The following C2CD2 variants were observed in gnomAD, a reference collection of about 807,000 sequenced individuals.
C2CD2 encodes C2 domain-containing protein 2.
A neutral mutation model predicts 74.3 loss-of-function variants in C2CD2; 43 were observed. That is an observed-to-expected ratio of 0.58 (90% CI 0.45 to 0.75). C2CD2 has a LOEUF of 0.75. Ranked by LOEUF, C2CD2 falls within the 30% of genes least tolerant of loss-of-function variation. The probability of loss-of-function intolerance (pLI) is 0.00; values close to 1 mark genes in which losing one functional copy is unlikely to be tolerated. For synonymous variants in C2CD2, 422 were observed against 390.7 expected (o/e 1.08, Z -0.94); for missense variants, 801 against 916.3 (o/e 0.87, Z 1.63).
intron 2 of C2CD2, among the ~76,000 whole-genome samples, chr21:41,925,325 A>G (rs901535323): frequency 1.3e-5 from 2 of 152,024 alleles, no homozygotes. Flanking sequence ...ATCTCTTAAA[A>G]AAAAAAAAAT....
intron 5 of C2CD2, 122 bp from the exon 6 acceptor site, chr21:41,914,843 C>T: frequency 1.3e-6 from 1 of 765,340 alleles, no homozygotes; most frequent in East Asian, 2.8e-5. Flanking sequence ...AAAACCTGCA[C>T]AGGGAGCCCG....
chr21:41,943,270 GA>G (rs2065370304), intron 1 of C2CD2, among the ~76,000 whole-genome samples: 1 of 152,088 alleles, frequency 6.6e-6, no homozygotes, highest in African/African-American at 2.4e-5. Flanking sequence ...CAGCCTGGGC[GA>G]CAGAGTAAGG....
chr21:41,930,844 A>C (rs2065255855), intron 2 of C2CD2, among the ~76,000 whole-genome samples: 1 of 150,330 alleles, frequency 6.7e-6, no homozygotes, highest in Non-Finnish European at 1.5e-5. Flanking sequence ...TCATCTTTTT[A>C]CTGATGTGTG....
chr21:41,896,719 A>AAC (rs1555899696), intron 13 of C2CD2, among the ~76,000 whole-genome samples: 77 of 151,724 alleles, frequency 5.1e-4, no homozygotes, highest in African/African-American at 1.7e-3. Context: ...AAAAAAAAAA[A>AAC]AAAAAAAAAA....
rs964866599 is a variant in C2CD2 at position 41,918,760 on chromosome 21, CA to C, written c.597+95del. On this transcript the variant is annotated intron_variant, in intron 4 of 13. Coordinates refer to ENST00000380486, the MANE Select transcript of C2CD2 (RefSeq NM_015500.2). ...TGGCTGGGACAGGGAAGGAGGCCAG[CA>C]ACACCAGCCATGCACTCAGTTCCCC... 1.8e-5 allele frequency: 17 copies of C among 934,590 alleles called. No homozygotes were observed. The African/African-American group carries it at 2.7e-4, about 15-fold the overall frequency. The allele number at this position is 934,590 out of a possible 1,614,324, so 57.9% of individuals were successfully genotyped here. A position where few individuals can be genotyped will look rare whatever the true frequency, so the allele number is the denominator to read the frequency against.
chr21:41,909,245 CAAAA>C (rs995684749), intron 8 of C2CD2, among the ~76,000 whole-genome samples: 8 of 152,072 alleles, frequency 5.3e-5, no homozygotes, highest in Non-Finnish European at 7.4e-5. Context: ...AAAAAACAAA[CAAAA>C]AATCCAGTTG....
chr21:41,906,241 C>T (rs1047946119), intron 10 of C2CD2, among the ~76,000 whole-genome samples: 27 of 152,324 alleles, frequency 1.8e-4, no homozygotes, highest in African/African-American at 6.0e-4. Context: ...AATGACAGTC[C>T]GTCAAGCCTT....
Position 41,939,935 on chromosome 21 carries a change from C to T in C2CD2, c.378+2212G>A, listed in dbSNP as rs1464879179. On this transcript the variant is annotated intron_variant, in intron 2 of 13. Transcript: ENST00000380486. This position sits in a 1 kb window ranked among gnomAD's most constrained non-coding sequence, Gnocchi z 5.5. ...GGAGTCGGGAGGCGGTGAACAGACACAATCGCTGCAGCACTGTCTGTGCGG... is the reference window on the plus strand; with the variant it reads ...GGAGTCGGGAGGCGGTGAACAGACATAATCGCTGCAGCACTGTCTGTGCGG... Among the ~76,000 whole-genome samples the T allele has an allele frequency of 6.6e-6, 1 of 152,208 alleles. No individual in the cohort carries two copies. The highest frequency in any genetic ancestry group is 1.9e-4 in the East Asian group (1 of 5,188).
At position 41,903,562 on chromosome 21, in the gene C2CD2, G is replaced by A. The variant is rs201239087; in HGVS notation, c.1433-1813C>T. The stretch of plus-strand genomic sequence containing the variant: ...GTTGTGAGTAGAGGAACAGATTTTT[G>A]TTTAGCCACTGACCCACACTGAGAA... On this transcript the variant is annotated intron_variant, in intron 11 of 13. Transcript: ENST00000380486. This position sits in a 1 kb window ranked among gnomAD's most constrained non-coding sequence, Gnocchi z 4.5. Among the ~76,000 whole-genome samples the A allele has an allele frequency of 1.3e-3, 193 of 152,324 alleles. No homozygotes were observed. Among genetic ancestry groups the A allele is most frequent in the African/African-American group, 4.1e-3 (169 of 41,578 alleles).
chr21:41,917,946 T>TCC (rs969072146), intron 5 of C2CD2, among the ~76,000 whole-genome samples, 159 bp downstream of exon 5: 21 of 152,232 alleles, frequency 1.4e-4, no homozygotes, highest in Admixed American at 2.6e-4. Context: ...CAAGGCTTTA[T>TCC]CCCACATCCA....
Position 41,889,325 on chromosome 21 carries a change from A to C in C2CD2, c.1890T>G (p.Gly630=). Reference sequence around the variant, plus strand: ...GCCGCCGGCGGAAGAACAGCTTTGCACCTTTCCTTAGAATTCCTCCTGGAA... The same window carrying C: ...GCCGCCGGCGGAAGAACAGCTTTGCCCCTTTCCTTAGAATTCCTCCTGGAA... ...KKHKGGILRK[G]AKLFFRRRHQ... Residue 630 remains glycine (G), a synonymous_variant, in exon 14 of 14, where the codon GGT becomes GGG. Coordinates refer to ENST00000380486, the MANE Select transcript of C2CD2 (RefSeq NM_015500.2). 1 of 1,613,744 alleles carries C rather than the reference A, an allele frequency of 6.2e-7. No homozygotes were observed. Among genetic ancestry groups the C allele is most frequent in the Non-Finnish European group, 8.5e-7 (1 of 1,179,828 alleles).
intron 2 of C2CD2, among the ~76,000 whole-genome samples, chr21:41,941,428 CT>C (rs1291951399): frequency 6.6e-6 from 1 of 152,156 alleles, no homozygotes; most frequent in Non-Finnish European, 1.5e-5. Context: ...AGCTTTTATG[CT>C]TTATGCTATC....
At chr21:41,898,923 CA>C in intron 13 of C2CD2, 129 bp downstream of exon 13, 1 of 727,350 alleles carries the variant, frequency 1.4e-6, no homozygotes, top group Non-Finnish European at 2.4e-6. Context: ...TCTGGAGGGG[CA>C]GGGGTGAGGC....
chr21:41,910,812 T>C (rs997821777), intron 7 of C2CD2, among the ~76,000 whole-genome samples: 3 of 152,270 alleles, frequency 2.0e-5, no homozygotes, highest in Non-Finnish European at 4.4e-5. Flanking sequence ...AATGATTATG[T>C]CTATTAGTTT....
At chr21:41,917,210 A>T (rs753664228) in intron 5 of C2CD2, among the ~76,000 whole-genome samples, 12 of 152,368 alleles carry the variant, frequency 7.9e-5, no homozygotes, top group Middle Eastern at 3.4e-3. Flanking sequence ...CCATCAACTG[A>T]TATCTGTCCA....
chr21:41,889,326 C>T lies in C2CD2; in HGVS notation c.1889G>A (p.Gly630Asp), dbSNP rs2064720783. Residue 630 changes from glycine to aspartate, a missense_variant, in exon 14 of 14, where the codon GGT becomes GAT. Gly to Asp is a moderately conservative substitution (Grantham distance 94, BLOSUM62 -1). Transcript: ENST00000380486. ...CCGCCGGCGGAAGAACAGCTTTGCA[C>T]CTTTCCTTAGAATTCCTCCTGGAAG... ...KKHKGGILRK[G>D]AKLFFRRRHQ... The T allele has an allele frequency of 6.2e-7, 1 of 1,613,664 alleles. No individual in the cohort carries two copies. The highest frequency in any genetic ancestry group is 8.5e-7 in the Non-Finnish European group (1 of 1,179,868).
At chr21:41,912,846 A>G (rs1406666323) in intron 6 of C2CD2, among the ~76,000 whole-genome samples, 3 of 152,234 alleles carry the variant, frequency 2.0e-5, no homozygotes, top group Admixed American at 6.5e-5. Context: ...AAAAGGCTAA[A>G]TTAAATGACT....
intron 3 of C2CD2, among the ~76,000 whole-genome samples, chr21:41,919,264 G>A (rs1054707126): frequency 3.9e-5 from 6 of 152,220 alleles, no homozygotes; most frequent in Admixed American, 2.0e-4. Context: ...GTATGTGTGC[G>A]CATGTCTGCA....
chr21:41,952,357 C>T (rs1050929575), intron 1 of C2CD2, among the ~76,000 whole-genome samples: 3 of 152,318 alleles, frequency 2.0e-5, no homozygotes, highest in South Asian at 2.1e-4. Context: ...GCACAGGGCC[C>T]GCCATGGAAT....
Sources: allele counts gnomAD v4.1 joint callset (sites outside exome capture counted in the v4.1 genomes callset), GRCh38; gene constraint gnomAD v4.1.1; non-coding constraint Gnocchi (gnomAD v3.1); transcripts MANE v1.5; gene names NCBI Gene and HGNC (gene_info 2026-07-23, HGNC 2026-07-21).